ENDOD1: variants seen among roughly 807,000 people sequenced by gnomAD.
ENDOD1 encodes the protein endonuclease domain-containing 1 protein.
Under a neutral mutation model 6.5 loss-of-function variants are expected in ENDOD1, and 9 were observed. That is an observed-to-expected ratio of 1.39 (90% CI 0.84 to 2.43). The LOEUF is 2.43. Ranked by LOEUF, ENDOD1 falls within the 30% of genes most tolerant of loss-of-function variation. ENDOD1 has a pLI of 0.00. For missense variants in ENDOD1, 648 were observed against 635.5 expected, an observed-to-expected ratio of 1.02 and a Z score of -0.21; for synonymous variants, 255 against 255.2, an observed-to-expected ratio of 1.00 and a Z score of 0.01.
intron 1 of ENDOD1, among the ~76,000 whole-genome samples, chr11:95,126,400 G>A (rs779836843): frequency 1.2e-4 from 19 of 152,084 alleles, no homozygotes; most frequent in Non-Finnish European, 2.6e-4. Context: ...AATTAGGTTT[G>A]TATTTTTTTA....
rs767644730 is a variant in ENDOD1, at chr11:95,128,771, G to A, written c.695G>A (p.Trp232Ter). 2 of 1,614,164 alleles carry A rather than the reference G, an allele frequency of 1.2e-6. No homozygotes were observed. The highest frequency in any genetic ancestry group is 2.2e-5 in the South Asian group (2 of 91,078). The change falls in exon 2 of 2, where the codon TGG (tryptophan) becomes TAG (stop). Residue 232 changes from tryptophan (W) to a stop codon, truncating the protein, a stop_gained. Transcript: ENST00000278505. LOFTEE classifies it low-confidence loss of function (END_TRUNC). ...TGTTGTGCTGTCCCTGGAGGAGGCT[G>A]GGCCATGGGCTTTGTCAAGCACACC... ...AACCAVPGGG[W>*]AMGFVKHTRD...
At chr11:95,090,271 C>T (rs1384125949) in intron 1 of ENDOD1, 44 bp downstream of exon 1, 11 of 1,354,560 alleles carry the variant, frequency 8.1e-6, no homozygotes, top group African/African-American at 1.5e-5. Context: ...CGCCGGAGAC[C>T]GTGCCGCTGG....
At chr11:95,118,180 A>G (rs1490239736) in intron 1 of ENDOD1, among the ~76,000 whole-genome samples, 3 of 152,104 alleles carry the variant, frequency 2.0e-5, no homozygotes, top group Non-Finnish European at 4.4e-5. Flanking sequence ...TAGTTTTTCT[A>G]CTTAAGATTA....
chr11:95,103,895 C>T (rs1384453338), intron 1 of ENDOD1, among the ~76,000 whole-genome samples: 5 of 152,176 alleles, frequency 3.3e-5, no homozygotes, highest in Admixed American at 2.0e-4. Flanking sequence ...CTTCCCAGAC[C>T]GTGTCTGCCT....
At chr11:95,097,301 T>C (rs1273785310) in intron 1 of ENDOD1, among the ~76,000 whole-genome samples, 1 of 152,024 alleles carries the variant, frequency 6.6e-6, no homozygotes, top group Non-Finnish European at 1.5e-5. Flanking sequence ...CTTTTGGGTA[T>C]AGACATGAAA....
rs1859352742 is a variant in ENDOD1, at chr11:95,129,740, CAGA to C, written c.*162_*164del. The stretch of plus-strand genomic sequence containing the variant: ...AGAAGATGGCAGAATTTAGACTTGA[CAGA>C]GGAGAAATGCTCAGGGTGAGATTAG... On this transcript the variant is annotated 3_prime_UTR_variant, in exon 2 of 2. Coordinates refer to ENST00000278505, the MANE Select transcript of ENDOD1 (RefSeq NM_015036.3). 1 of 721,726 alleles carries C rather than the reference CAGA, an allele frequency of 1.4e-6. No individual in the cohort carries two copies. Among genetic ancestry groups the C allele is most frequent in the East Asian group, 2.7e-5 (1 of 36,900 alleles). The allele number at this position is 721,726 out of a possible 1,614,324, so 44.7% of individuals were successfully genotyped here.
At chr11:95,097,154 C>CAA (rs34990638) in intron 1 of ENDOD1, among the ~76,000 whole-genome samples, 102,559 of 140,022 alleles carry the variant, frequency 0.73, 38,608 homozygotes, top group East Asian at 0.85. Context: ...GACCCTGTTT[C>CAA]AAAAAAAAAA....
chr11:95,098,900 T>C (rs1053841623), intron 1 of ENDOD1, among the ~76,000 whole-genome samples: 2 of 152,216 alleles, frequency 1.3e-5, no homozygotes, highest in African/African-American at 4.8e-5. Flanking sequence ...TGCAAACCTG[T>C]TGATGTGTTG....
Position 95,090,304 on chromosome 11 carries a change from C to A in ENDOD1, c.300+77C>A, listed in dbSNP as rs555908222. ...TGGACATGCCCCCAGTTGCAGCTAC[C>A]GCGAGGGGCGGGCCGGGAACAGCAA... On this transcript the variant is annotated intron_variant, in intron 1 of 1. Transcript: ENST00000278505. 164 of 1,342,596 alleles carry A rather than the reference C, an allele frequency of 1.2e-4. 1 individual carries two copies. The East Asian group carries it at 5.0e-3, about 41-fold the overall frequency. The allele number at this position is 1,342,596 out of a possible 1,614,324, so 83.2% of individuals were successfully genotyped here.
chr11:95,119,451 G>A (rs1470476179), intron 1 of ENDOD1, among the ~76,000 whole-genome samples: 1 of 152,254 alleles, frequency 6.6e-6, no homozygotes, highest in Non-Finnish European at 1.5e-5. Flanking sequence ...GATGAGATCA[G>A]AAAGAATTCT....
chr11:95,119,342 G>A (rs941175754), intron 1 of ENDOD1, among the ~76,000 whole-genome samples: 4 of 152,240 alleles, frequency 2.6e-5, no homozygotes, highest in Non-Finnish European at 5.9e-5. Flanking sequence ...AAGGACTTGG[G>A]TGTTGTGATC....
chr11:95,106,071 C>T (rs1434300713), intron 1 of ENDOD1, among the ~76,000 whole-genome samples: 1 of 152,188 alleles, frequency 6.6e-6, no homozygotes, highest in Non-Finnish European at 1.5e-5. Flanking sequence ...CCATTGATGG[C>T]TCCAGTCAGA....
intron 1 of ENDOD1, among the ~76,000 whole-genome samples, chr11:95,092,322 C>A: frequency 6.6e-6 from 1 of 152,008 alleles, no homozygotes; most frequent in East Asian, 1.9e-4. Context: ...GGGGAGGAGC[C>A]ACCAAGGAAG....
intron 1 of ENDOD1, 42 bp from the exon 2 acceptor site, chr11:95,128,335 T>C (rs1351808431): frequency 1.3e-6 from 2 of 1,581,288 alleles, no homozygotes; most frequent in Admixed American, 1.7e-5. Context: ...GCCTCTGTGC[T>C]GTAAGCAGGG....
chr11:95,103,759 T>C (rs562078383), intron 1 of ENDOD1, among the ~76,000 whole-genome samples: 229 of 152,342 alleles, frequency 1.5e-3, no homozygotes, highest in Non-Finnish European at 2.9e-3. Context: ...ATGGGACTAA[T>C]AAATTGTCCC....
At chr11:95,123,467 C>A (rs1013092777) in intron 1 of ENDOD1, among the ~76,000 whole-genome samples, 1 of 151,724 alleles carries the variant, frequency 6.6e-6, no homozygotes, top group Non-Finnish European at 1.5e-5. Context: ...GGCTGAGAGT[C>A]CCTGTAGCCC....
Position 95,129,193 on chromosome 11 carries a change from G to A in ENDOD1, c.1117G>A (p.Glu373Lys). The A allele has an allele frequency of 6.2e-7, 1 of 1,614,188 alleles. No homozygotes were observed. Among genetic ancestry groups the A allele is most frequent in the African/African-American group, 1.3e-5 (1 of 75,042 alleles). The change falls in exon 2 of 2, where the codon GAA becomes AAA. Residue 373 changes from glutamate to lysine, a missense_variant. Transcript: ENST00000278505. ...TACCAAGCAGGTGATTAATGGCATA[G>A]AAAGTTGCCTTTACCGCCTGGGCTC... ...CVTKQVINGI[E>K]SCLYRLGSAT...
rs114105603 is a variant in ENDOD1, at chr11:95,091,217, G to A, written c.300+990G>A. On this transcript the variant is annotated intron_variant, in intron 1 of 1. Coordinates refer to ENST00000278505, the MANE Select transcript of ENDOD1 (RefSeq NM_015036.3). ...CCCACCCCTGCCCAGGCTGCTGGGG[G>A]AAGAACTGACCCAACGCTCTCCCTT... Among the ~76,000 whole-genome samples, 1,472 of 152,252 alleles carry A rather than the reference G, an allele frequency of 9.7e-3. 27 individuals carry two copies. The highest frequency in any genetic ancestry group is 0.033 in the African/African-American group (1,387 of 41,556).
At position 95,095,721 on chromosome 11, in the gene ENDOD1, T is replaced by C. The variant is rs144293320; in HGVS notation, c.300+5494T>C. 1.7e-3 allele frequency among the ~76,000 whole-genome samples: 256 copies of C among 152,364 alleles called. 1 individual carries two copies. Among genetic ancestry groups the C allele is most frequent in the African/African-American group, 4.8e-3 (201 of 41,584 alleles). ...ATCTCTATAACAACTCTAGGTATTA[T>C]GACTTGTGTTTTATAGTTTAGGAAA... On this transcript the variant is annotated intron_variant, in intron 1 of 1. Transcript: ENST00000278505.
Sources: gnomAD v4.1 joint callset for allele counts (sites outside exome capture counted in the v4.1 genomes callset) on GRCh38, gnomAD v4.1.1 for gene constraint, MANE v1.5 for transcripts, NCBI Gene and HGNC (gene_info 2026-07-23, HGNC 2026-07-21) for gene names.